The following PCSK2 variants were observed in gnomAD, a reference collection of about 807,000 sequenced individuals.
PCSK2 encodes the protein proprotein convertase subtilisin/kexin type 2.
A neutral mutation model predicts 69.7 loss-of-function variants in PCSK2; 14 were observed. The observed-to-expected ratio is 0.20, with a 90% CI of 0.13 to 0.31. The LOEUF (loss-of-function observed/expected upper bound fraction) is 0.31. Among genes scored for constraint, PCSK2 ranks in the 10% least tolerant of loss-of-function variants. The pLI is 1.00. For missense variants in PCSK2, 544 were observed against 842.5 expected, an observed-to-expected ratio of 0.65 and a Z score of 4.39; for synonymous variants, 307 against 320.7, an observed-to-expected ratio of 0.96 and a Z score of 0.46.
At chr20:17,390,322 T>C (rs1311488302) in intron 5 of PCSK2, among the ~76,000 whole-genome samples, 1 of 152,238 alleles carries the variant, frequency 6.6e-6, no homozygotes, top group Non-Finnish European at 1.5e-5. Context: ...ACTATCTTGA[T>C]TGGCATGATG....
At chr20:17,274,575 T>C (rs1987986931) in intron 2 of PCSK2, among the ~76,000 whole-genome samples, 2 of 151,938 alleles carry the variant, frequency 1.3e-5, no homozygotes, top group African/African-American at 2.4e-5. Context: ...GGTGGAGAGA[T>C]TGATATACCG....
chr20:17,338,589 A>G (rs1990425723), intron 2 of PCSK2, among the ~76,000 whole-genome samples: 1 of 152,198 alleles, frequency 6.6e-6, no homozygotes, highest in Non-Finnish European at 1.5e-5. Flanking sequence ...TAGCAACCCT[A>G]AAGAAAACTC....
intron 7 of PCSK2, 107 bp from the exon 8 acceptor site, chr20:17,436,601 G>C (rs1264938290): frequency 1.1e-6 from 1 of 912,490 alleles, no homozygotes; most frequent in Non-Finnish European, 1.7e-6. Flanking sequence ...GAGCACCTGA[G>C]ATCTCCAACC....
chr20:17,256,946 T>G (rs1317897584), intron 1 of PCSK2, among the ~76,000 whole-genome samples: 3 of 152,220 alleles, frequency 2.0e-5, no homozygotes, highest in Non-Finnish European at 4.4e-5. Flanking sequence ...GCAAAGGACA[T>G]GAACTCATCC....
chr20:17,357,523 A>C (rs1042314265), intron 2 of PCSK2, among the ~76,000 whole-genome samples: 3 of 152,306 alleles, frequency 2.0e-5, no homozygotes, highest in Admixed American at 6.5e-5. Flanking sequence ...CTGAATCCAC[A>C]TCAGTCCTCT....
intron 6 of PCSK2, among the ~76,000 whole-genome samples, chr20:17,424,845 C>T (rs557326576): frequency 1.3e-5 from 2 of 151,830 alleles, no homozygotes; most frequent in East Asian, 1.9e-4. Context: ...AGTGCAGTGG[C>T]GTAATCTTGG....
At chr20:17,444,443 A>C (rs73250230) in intron 8 of PCSK2, among the ~76,000 whole-genome samples, 1 of 152,154 alleles carries the variant, frequency 6.6e-6, no homozygotes, top group Non-Finnish European at 1.5e-5. Flanking sequence ...AGAAGCAGTG[A>C]GGAGTGGGCA....
At chr20:17,475,304 T>C (rs2284917) in intron 11 of PCSK2, among the ~76,000 whole-genome samples, 20,481 of 151,160 alleles carry the variant, frequency 0.14, 1,351 homozygotes, top group Non-Finnish European at 0.15. Context: ...GCAGCCAATG[T>C]CCACAGTAGC....
At chr20:17,323,067 G>A (rs1289721072) in intron 2 of PCSK2, among the ~76,000 whole-genome samples, 3 of 152,124 alleles carry the variant, frequency 2.0e-5, no homozygotes, top group Non-Finnish European at 2.9e-5. Context: ...GTTTCACTAT[G>A]TTGGCCAGGC....
At chr20:17,247,478 C>A (rs767934382) in intron 1 of PCSK2, among the ~76,000 whole-genome samples, 1 of 152,194 alleles carries the variant, frequency 6.6e-6, no homozygotes, top group African/African-American at 2.4e-5. Flanking sequence ...TCCTATATAG[C>A]AAATGATGTC....
At chr20:17,403,021 T>G (rs1417162170) in intron 5 of PCSK2, among the ~76,000 whole-genome samples, 1 of 151,946 alleles carries the variant, frequency 6.6e-6, no homozygotes. Flanking sequence ...AGGACACAAC[T>G]GTGTGGCCTG....
intron 5 of PCSK2, among the ~76,000 whole-genome samples, chr20:17,372,344 A>T (rs1001967768): frequency 6.6e-6 from 1 of 151,858 alleles, no homozygotes; most frequent in Non-Finnish European, 1.5e-5. Context: ...GCACCACTGC[A>T]CTCCAGCCTG....
intron 6 of PCSK2, among the ~76,000 whole-genome samples, chr20:17,416,445 A>C (rs2032000571): frequency 6.6e-6 from 1 of 152,244 alleles, no homozygotes; most frequent in Non-Finnish European, 1.5e-5. Context: ...TGGTCATCAG[A>C]GAAATGCAAA....
chr20:17,398,295 T>C (rs1274268484), intron 5 of PCSK2, among the ~76,000 whole-genome samples: 1 of 151,766 alleles, frequency 6.6e-6, no homozygotes, highest in Non-Finnish European at 1.5e-5. Flanking sequence ...GAGGCCAAGG[T>C]GGGAGGGTCG....
intron 2 of PCSK2, among the ~76,000 whole-genome samples, chr20:17,350,853 G>A (rs1187781151): frequency 1.3e-5 from 2 of 151,996 alleles, no homozygotes; most frequent in African/African-American, 4.8e-5. Context: ...GACCAGCTTG[G>A]CCAACATGGT....
At chr20:17,475,094 G>A (rs2033269421) in intron 11 of PCSK2, among the ~76,000 whole-genome samples, 1 of 151,866 alleles carries the variant, frequency 6.6e-6, no homozygotes, top group Non-Finnish European at 1.5e-5. Context: ...GATTTGGGAG[G>A]GGCAGAAGTA....
At chr20:17,281,860 A>G (rs918278701) in intron 2 of PCSK2, among the ~76,000 whole-genome samples, 28 of 152,168 alleles carry the variant, frequency 1.8e-4, no homozygotes, top group African/African-American at 6.5e-4. Flanking sequence ...GGTCCCACCT[A>G]TGGATAAAGA....
intron 2 of PCSK2, among the ~76,000 whole-genome samples, chr20:17,306,920 A>T (rs958289044): frequency 1.1e-4 from 16 of 152,228 alleles, no homozygotes; most frequent in Non-Finnish European, 2.2e-4. Context: ...TCTAAATGTC[A>T]TGCATCTCTC....
intron 8 of PCSK2, among the ~76,000 whole-genome samples, chr20:17,447,144 G>A (rs1358496486): frequency 6.6e-6 from 1 of 151,840 alleles, no homozygotes; most frequent in Non-Finnish European, 1.5e-5. Context: ...AGTGCTATGT[G>A]CCTGTAATCC....
Sources: allele counts gnomAD v4.1 joint callset (sites outside exome capture counted in the v4.1 genomes callset), GRCh38; gene constraint gnomAD v4.1.1; transcripts MANE v1.5; gene names NCBI Gene and HGNC (gene_info 2026-07-23, HGNC 2026-07-21).